BBS9: variants seen among roughly 807,000 people sequenced by gnomAD.
The protein encoded by BBS9 is Bardet-Biedl syndrome 9.
Under a neutral mutation model 117.7 loss-of-function variants are expected in BBS9, and 89 were observed. The ratio of observed to expected loss-of-function variants is 0.76; its 90% CI spans 0.64 to 0.90. BBS9 has a LOEUF of 0.90. BBS9 is among the 40% of genes least tolerant of loss of function. The probability of loss-of-function intolerance (pLI) is 0.00; values close to 1 mark genes in which losing one functional copy is unlikely to be tolerated. For missense variants in BBS9, 982 were observed against 1,042.2 expected (o/e 0.94, Z 0.80); for synonymous variants, 379 against 370.9 (o/e 1.02, Z -0.25).
rs1287746528 is a variant in BBS9 at position 33,364,149 on chromosome 7, C to T, written c.1694-3618C>T. Among the ~76,000 whole-genome samples, 3 of 41,748 alleles carry T rather than the reference C, an allele frequency of 7.2e-5. 1 individual carries two copies. Among genetic ancestry groups the T allele is most frequent in the African/African-American group, 1.1e-4 (1 of 8,772 alleles). The allele number at this position is 41,748 out of a possible 152,430, so 27.4% of individuals were successfully genotyped here. ...ATTTTTAGTAGAGACGGGGTTTCAC[C>T]GTGTTAGCCAGGATGGTCTCGATCT... On this transcript the variant is annotated intron_variant, in intron 16 of 22. Coordinates refer to ENST00000242067, the MANE Select transcript of BBS9 (RefSeq NM_198428.3).
At chr7:33,608,540 C>G (rs1164232167), downstream of BBS9, among the ~76,000 whole-genome samples, 1 of 152,006 alleles carries the variant, frequency 6.6e-6, no homozygotes, top group Non-Finnish European at 1.5e-5. Flanking sequence ...GCCTTGCCAG[C>G]TATTGTTTTT....
At chr7:33,488,268 C>T (rs901373705) in intron 19 of BBS9, among the ~76,000 whole-genome samples, 5 of 152,184 alleles carry the variant, frequency 3.3e-5, no homozygotes, top group African/African-American at 1.2e-4. Flanking sequence ...TGGCATGTTT[C>T]AAATCCTCTG....
intron 21 of BBS9, among the ~76,000 whole-genome samples, chr7:33,614,790 AT>A (rs1278480277): frequency 6.6e-6 from 1 of 152,104 alleles, no homozygotes; most frequent in African/African-American, 2.4e-5. Context: ...TCTGAAGTGA[AT>A]ATTTAAGGAA....
intron 21 of BBS9, among the ~76,000 whole-genome samples, chr7:33,561,516 A>T (rs1394949756): frequency 1.3e-5 from 2 of 152,198 alleles, no homozygotes; most frequent in East Asian, 3.9e-4. Flanking sequence ...CAGCTCTTGG[A>T]ACACTGATCT....
rs527986249 is a variant in BBS9 at position 33,524,362 on chromosome 7, G to A, written c.2299-9592G>A. On this transcript the variant is annotated intron_variant, in intron 20 of 22. Transcript: ENST00000242067. ...CTTGTACCTCTGATAGTATTCGGCTGTGAATCCATCTGGTCCTGGACTCTT... is the reference window on the plus strand; with the variant it reads ...CTTGTACCTCTGATAGTATTCGGCTATGAATCCATCTGGTCCTGGACTCTT... 1.8e-4 allele frequency among the ~76,000 whole-genome samples: 28 copies of A among 152,280 alleles called. No individual in the cohort carries two copies. The South Asian group carries it at 5.8e-3, about 32-fold the overall frequency.
chr7:33,283,736 C>A (rs966149130), intron 9 of BBS9, among the ~76,000 whole-genome samples: 3 of 152,172 alleles, frequency 2.0e-5, no homozygotes, highest in Admixed American at 2.0e-4. Flanking sequence ...TCCACACATA[C>A]ATCTCTTCTT....
chr7:33,520,123 C>T (rs367721234), intron 20 of BBS9, among the ~76,000 whole-genome samples: 28 of 152,040 alleles, frequency 1.8e-4, no homozygotes, highest in African/African-American at 6.8e-4. Flanking sequence ...ATTCTCCTGC[C>T]TCAGCCTCTT....
At chr7:33,536,776 T>G (rs192377588) in intron 21 of BBS9, among the ~76,000 whole-genome samples, 3 of 82,660 alleles carry the variant, frequency 3.6e-5, no homozygotes, top group East Asian at 6.1e-4. Context: ...TCTTTTCTTT[T>G]CTTTGCTATG....
At chr7:33,287,623 T>C (rs1282165246) in intron 9 of BBS9, among the ~76,000 whole-genome samples, 1 of 152,196 alleles carries the variant, frequency 6.6e-6, no homozygotes, top group Non-Finnish European at 1.5e-5. Context: ...CTGTATTCAA[T>C]GGTTTTCCTG....
chr7:33,354,984 G>C (rs1167499014), intron 15 of BBS9, among the ~76,000 whole-genome samples: 1 of 151,986 alleles, frequency 6.6e-6, no homozygotes, highest in African/African-American at 2.4e-5. Flanking sequence ...TAAAATAAAT[G>C]ACAAAAGTTT....
At chr7:33,624,636 A>G (rs572145419) in intron 21 of BBS9, among the ~76,000 whole-genome samples, 1 of 152,362 alleles carries the variant, frequency 6.6e-6, no homozygotes, top group East Asian at 1.9e-4. Flanking sequence ...CAGCTTCATG[A>G]GTAACAACAG....
chr7:33,554,453 T>C (rs1478254756), intron 21 of BBS9, among the ~76,000 whole-genome samples: 1 of 152,112 alleles, frequency 6.6e-6, no homozygotes, highest in African/African-American at 2.4e-5. Flanking sequence ...AAGGCTAGAA[T>C]ACACAGAGCT....
At chr7:33,600,591 C>T (rs948318435) in intron 21 of BBS9, among the ~76,000 whole-genome samples, 1 of 152,062 alleles carries the variant, frequency 6.6e-6, no homozygotes, top group Non-Finnish European at 1.5e-5. Flanking sequence ...TCTTTAATAG[C>T]GAGAGGGTAA....
intron 5 of BBS9, among the ~76,000 whole-genome samples, chr7:33,251,084 C>A: frequency 6.6e-6 from 1 of 152,140 alleles, no homozygotes; most frequent in East Asian, 1.9e-4. Context: ...GATTCAGGGA[C>A]AGAGACCTGA....
chr7:33,510,050 A>G (rs1336630730), intron 20 of BBS9, among the ~76,000 whole-genome samples: 1 of 152,090 alleles, frequency 6.6e-6, no homozygotes, highest in African/African-American at 2.4e-5. Context: ...ACCCCTTTTC[A>G]TGACAGAAGA....
chr7:33,604,793 G>A, intron 21 of BBS9, 72 bp from the exon 22 acceptor site: 1 of 991,366 alleles, frequency 1.0e-6, no homozygotes, highest in Non-Finnish European at 1.6e-6. Context: ...GTGTTCCTAA[G>A]CTATGATTGC....
At chr7:33,510,757 T>C (rs188545564) in intron 20 of BBS9, among the ~76,000 whole-genome samples, 1 of 152,320 alleles carries the variant, frequency 6.6e-6, no homozygotes, top group East Asian at 1.9e-4. Context: ...GCTACCACAT[T>C]GGATAGCCCA....
chr7:33,273,726 C>T, intron 8 of BBS9, 101 bp from the exon 9 acceptor site: 1 of 1,037,198 alleles, frequency 9.6e-7, no homozygotes, highest in East Asian at 2.5e-5. Flanking sequence ...TATTAAAATC[C>T]AGGTGTTAGA....
chr7:33,218,543 G>A (rs1295869413), intron 5 of BBS9, among the ~76,000 whole-genome samples: 1 of 152,208 alleles, frequency 6.6e-6, no homozygotes, highest in Non-Finnish European at 1.5e-5. Flanking sequence ...AACCACATGT[G>A]GCATTGGGAG....
Sources: gnomAD v4.1 joint callset for allele counts (sites outside exome capture counted in the v4.1 genomes callset) on GRCh38, gnomAD v4.1.1 for gene constraint, MANE v1.5 for transcripts, NCBI Gene and HGNC (gene_info 2026-07-23, HGNC 2026-07-21) for gene names.